Variants in TRHDE observed in about 807,000 individuals in gnomAD.
TRHDE encodes the protein thyrotropin-releasing hormone-degrading ectoenzyme.
Under a neutral mutation model 125.7 loss-of-function variants are expected in TRHDE, and 72 were observed. That is an observed-to-expected ratio of 0.57 (90% CI 0.47 to 0.70). The LOEUF (loss-of-function observed/expected upper bound fraction) is 0.70. Ranked by LOEUF, TRHDE falls within the 30% of genes least tolerant of loss-of-function variation. The probability of loss-of-function intolerance (pLI) is 0.00; values close to 1 mark genes in which losing one functional copy is unlikely to be tolerated. For missense variants in TRHDE, 1,110 were observed against 1,327.1 expected (o/e 0.84, Z 2.54); for synonymous variants, 509 against 509.1 (o/e 1.00, Z 0.00).
chr12:72,496,378 G>C (rs557852602), intron 5 of TRHDE, among the ~76,000 whole-genome samples: 1 of 152,294 alleles, frequency 6.6e-6, no homozygotes, highest in African/African-American at 2.4e-5. Context: ...TGGCTGGAGA[G>C]GTCTCACAAA....
chr12:72,193,736 A>C (rs1312390343), intron 2 of TRHDE, among the ~76,000 whole-genome samples: 3 of 152,184 alleles, frequency 2.0e-5, no homozygotes, highest in Non-Finnish European at 4.4e-5. Flanking sequence ...AGAAAGAATA[A>C]ATACACAGTA....
intron 1 of TRHDE, among the ~76,000 whole-genome samples, chr12:72,277,369 A>G (rs1879524766): frequency 6.6e-6 from 1 of 152,188 alleles, no homozygotes; most frequent in Admixed American, 6.5e-5. Context: ...GGTATTTAAT[A>G]CAAACAAGAA....
intron 2 of TRHDE, among the ~76,000 whole-genome samples, chr12:72,356,262 T>C (rs1282154188): frequency 6.6e-6 from 1 of 151,674 alleles, no homozygotes; most frequent in Non-Finnish European, 1.5e-5. Flanking sequence ...CTGGAGGCCA[T>C]CATCTTTAGC....
chr12:72,161,226 C>T (rs1241310113), intron 2 of TRHDE, among the ~76,000 whole-genome samples: 3 of 151,988 alleles, frequency 2.0e-5, no homozygotes, highest in Non-Finnish European at 4.4e-5. Context: ...CGAGGTCAAG[C>T]GATAGAGACG....
chr12:72,232,208 C>A (rs780350406), intron 2 of TRHDE, among the ~76,000 whole-genome samples: 1 of 152,170 alleles, frequency 6.6e-6, no homozygotes, highest in Non-Finnish European at 1.5e-5. Flanking sequence ...AGGGCAGGCA[C>A]AGACAGAGAC....
intron 2 of TRHDE, among the ~76,000 whole-genome samples, chr12:72,205,406 T>C (rs184587946): frequency 6.6e-6 from 1 of 152,174 alleles, no homozygotes; most frequent in Non-Finnish European, 1.5e-5. Context: ...TTAAAGTTTT[T>C]AAGTGTATAA....
chr12:72,352,331 C>T (rs1253058982), intron 2 of TRHDE, among the ~76,000 whole-genome samples: 2 of 151,622 alleles, frequency 1.3e-5, no homozygotes, highest in Non-Finnish European at 2.9e-5. Context: ...TCGTTGATCA[C>T]CAGAATGCCT....
At chr12:72,094,403 A>T (rs1874863522) in intron 1 of TRHDE, among the ~76,000 whole-genome samples, 1 of 152,088 alleles carries the variant, frequency 6.6e-6, no homozygotes, top group Non-Finnish European at 1.5e-5. Context: ...ACTGATGAGC[A>T]TATCTATTGG....
chr12:72,485,547 A>T (rs1877365686), intron 5 of TRHDE, among the ~76,000 whole-genome samples: 1 of 152,136 alleles, frequency 6.6e-6, no homozygotes, highest in Non-Finnish European at 1.5e-5. Context: ...GCTGAGGGAC[A>T]TCAGGGGCCT....
intron 2 of TRHDE, among the ~76,000 whole-genome samples, chr12:72,178,214 G>C (rs924958165): frequency 2.0e-5 from 3 of 152,058 alleles, no homozygotes; most frequent in African/African-American, 4.8e-5. Context: ...TTGGTAGCAT[G>C]GTGGTGTACA....
At chr12:72,342,143 T>G (rs561690279) in intron 2 of TRHDE, among the ~76,000 whole-genome samples, 1 of 152,292 alleles carries the variant, frequency 6.6e-6, no homozygotes, top group African/African-American at 2.4e-5. Flanking sequence ...GTTACTTCTC[T>G]TTCAAATTGT....
chr12:72,574,049 T>G (rs1870875118), intron 10 of TRHDE, among the ~76,000 whole-genome samples: 1 of 152,072 alleles, frequency 6.6e-6, no homozygotes, highest in Non-Finnish European at 1.5e-5. Flanking sequence ...ATTGGGTTTA[T>G]TAGTTCACTT....
intron 2 of TRHDE, among the ~76,000 whole-genome samples, chr12:72,146,345 G>T (rs1423445864): frequency 6.6e-6 from 1 of 152,158 alleles, no homozygotes; most frequent in Non-Finnish European, 1.5e-5. Context: ...TTTTCCCCAA[G>T]TATGTAATGT....
At chr12:72,383,385 TTTTTTTTTTG>T in intron 3 of TRHDE, among the ~76,000 whole-genome samples, 1 of 147,062 alleles carries the variant, frequency 6.8e-6, no homozygotes. Context: ...TTTTTTTTTT[TTTTTTTTTTG>T]AGACGGAGTC....
intron 3 of TRHDE, among the ~76,000 whole-genome samples, chr12:72,436,300 A>G (rs1282736117): frequency 6.6e-6 from 1 of 152,010 alleles, no homozygotes; most frequent in East Asian, 1.9e-4. Context: ...TTTCCAGGTC[A>G]TTAATAAAAT....
intron 2 of TRHDE, among the ~76,000 whole-genome samples, chr12:72,117,094 G>A (rs754064338): frequency 1.1e-4 from 17 of 151,970 alleles, no homozygotes; most frequent in South Asian, 2.1e-4. Context: ...TTAGCTGAAC[G>A]TAATCCCATT....
intron 3 of TRHDE, among the ~76,000 whole-genome samples, chr12:72,416,498 C>A (rs993468074): frequency 6.6e-6 from 1 of 151,824 alleles, no homozygotes; most frequent in African/African-American, 2.4e-5. Flanking sequence ...ATGTTTACTT[C>A]TAATAGTTTC....
At chr12:72,495,454 T>A (rs918557970) in intron 5 of TRHDE, among the ~76,000 whole-genome samples, 3 of 152,104 alleles carry the variant, frequency 2.0e-5, no homozygotes, top group African/African-American at 7.2e-5. Flanking sequence ...CTTTTTTAGC[T>A]GTTTCCCCCA....
At chr12:72,362,338 T>A (rs1871135363) in intron 2 of TRHDE, among the ~76,000 whole-genome samples, 1 of 150,040 alleles carries the variant, frequency 6.7e-6, no homozygotes, top group South Asian at 2.1e-4. Context: ...TTTTCATGTG[T>A]TTTTTGGCTG....
Sources: gnomAD v4.1 joint callset for allele counts (sites outside exome capture counted in the v4.1 genomes callset) on GRCh38, gnomAD v4.1.1 for gene constraint, MANE v1.5 for transcripts, NCBI Gene and HGNC (gene_info 2026-07-23, HGNC 2026-07-21) for gene names.